Variants in HAVCR1 observed in about 807,000 individuals in gnomAD.
HAVCR1 encodes T cell immunoglobin domain and mucin domain protein 1.
In HAVCR1, 34 loss-of-function variants were observed where a neutral mutation model predicts 32.0. That is an observed-to-expected ratio of 1.06 (90% confidence interval 0.81 to 1.42). The LOEUF is 1.42. Among genes scored for constraint, HAVCR1 ranks in the 40% most tolerant of loss-of-function variants. The pLI, the probability that HAVCR1 is intolerant of heterozygous loss-of-function variation, is 0.00. For missense variants in HAVCR1, 420 were observed against 442.3 expected (o/e 0.95, Z 0.45); for synonymous variants, 178 against 170.3 (o/e 1.05, Z -0.35).
intron 7 of HAVCR1, among the ~76,000 whole-genome samples, chr5:157,034,173 G>A (rs963397700): frequency 2.6e-5 from 4 of 152,100 alleles, no homozygotes; most frequent in African/African-American, 9.7e-5. Context: ...AGTTCCCTCA[G>A]TATTTATTGA....
chr5:157,039,958 C>T (rs1056215940), intron 6 of HAVCR1, among the ~76,000 whole-genome samples: 3 of 152,134 alleles, frequency 2.0e-5, no homozygotes, highest in African/African-American at 7.2e-5. Flanking sequence ...AAATTGTTTT[C>T]CCTTACTTCT....
chr5:157,035,183 T>A (rs1754453644), intron 7 of HAVCR1, among the ~76,000 whole-genome samples: 1 of 152,208 alleles, frequency 6.6e-6, no homozygotes, highest in South Asian at 2.1e-4. Context: ...AATCTATTTT[T>A]TTTTTGGCGT....
rs780983817 is a variant in HAVCR1 at position 157,029,696 on chromosome 5, C to T, written c.*37G>A. 1.1e-5 allele frequency: 18 copies of T among 1,612,036 alleles called. No homozygotes were observed. In the Admixed American group the frequency reaches 2.0e-4, roughly 18 times the overall value. ...GCTGATGTCTGTTCAGTCTTCTGCA[C>T]TCATGGGCGTAAACTCTCAAAGAGC... On this transcript the variant is annotated 3_prime_UTR_variant, in exon 9 of 9. Transcript: ENST00000523175.
rs147129347 is a variant in HAVCR1, at chr5:157,049,499, T to C, written c.674-354A>G. Among the ~76,000 whole-genome samples, 50 of 152,376 alleles carry C rather than the reference T, an allele frequency of 3.3e-4. 1 individual carries two copies. The highest frequency in any genetic ancestry group is 1.2e-3 in the African/African-American group (49 of 41,598). On this transcript the variant is annotated intron_variant, in intron 4 of 8. Transcript: ENST00000523175. Reference sequence around the variant, plus strand: ...AGACAAAGCCAACAACAGGGCATTTTATGTAGAATACCCAATTAAGCTTTA... The same window carrying C: ...AGACAAAGCCAACAACAGGGCATTTCATGTAGAATACCCAATTAAGCTTTA...
intron 6 of HAVCR1, among the ~76,000 whole-genome samples, chr5:157,042,311 G>A (rs181878549): frequency 0.014 from 2,083 of 151,858 alleles, 17 homozygotes; most frequent in Middle Eastern, 0.034. Context: ...GCATGGTGGC[G>A]GGCGCCTGTA....
At chr5:157,034,542 T>C (rs979902608) in intron 7 of HAVCR1, among the ~76,000 whole-genome samples, 1 of 151,178 alleles carries the variant, frequency 6.6e-6, no homozygotes. Context: ...CCTTCCTCTT[T>C]CACTAATCCT....
chr5:157,066,632 G>T, the HAVCR1 span, among the ~76,000 whole-genome samples: 2 of 151,366 alleles, frequency 1.3e-5, no homozygotes, highest in Non-Finnish European at 2.9e-5. Flanking sequence ...GGGAAAATTT[G>T]CTGGGGCAAC....
At chr5:157,042,817 AAG>A (rs1176843145) in intron 5 of HAVCR1, 135 bp from the exon 6 acceptor site, 8 of 579,940 alleles carry the variant, frequency 1.4e-5, no homozygotes, top group Non-Finnish European at 2.4e-5. Context: ...CAGGCACTGC[AAG>A]AGTCATACCA....
chr5:157,051,996 A>G (rs1232085521), intron 4 of HAVCR1, among the ~76,000 whole-genome samples: 2 of 152,148 alleles, frequency 1.3e-5, no homozygotes, highest in African/African-American at 2.4e-5. Flanking sequence ...ACACTATCTC[A>G]TTTATCTGAC....
At position 157,042,680 on chromosome 5, in the gene HAVCR1, C is replaced by A; in HGVS notation, c.784G>T (p.Gly262Trp). The A allele has an allele frequency of 6.4e-7, 1 of 1,566,564 alleles. No individual in the cohort carries two copies. Among genetic ancestry groups the A allele is most frequent in the Non-Finnish European group, 8.8e-7 (1 of 1,138,794 alleles). Residue 262 changes from glycine to tryptophan, a missense_variant and splice_region_variant, in exon 6 of 9, where the codon GGG (glycine) becomes TGG (tryptophan). Coordinates refer to ENST00000523175, the MANE Select transcript of HAVCR1 (RefSeq NM_001173393.3). ...SSPLYSYTTD[G>W]NDTVTESSDG... Reference sequence around the variant, plus strand: ...GAAGACTCTGTCACGGTGTCATTCCCATCTACTCAACAAGAAGGAAATTTA... The same window carrying A: ...GAAGACTCTGTCACGGTGTCATTCCAATCTACTCAACAAGAAGGAAATTTA...
chr5:157,030,106 T>G (rs554458211), intron 8 of HAVCR1, among the ~76,000 whole-genome samples: 19 of 152,218 alleles, frequency 1.2e-4, no homozygotes, highest in Admixed American at 1.0e-3. Context: ...TCTTTGAAAC[T>G]CGCATAATAG....
At chr5:157,050,149 A>C (rs2113600860) in intron 4 of HAVCR1, among the ~76,000 whole-genome samples, 1 of 152,274 alleles carries the variant, frequency 6.6e-6, no homozygotes, top group African/African-American at 2.4e-5. Context: ...ACTTTTCAAC[A>C]TCGCTCTTTC....
chr5:157,061,550 TG>T (rs1756488901), upstream of HAVCR1, among the ~76,000 whole-genome samples: 1 of 151,734 alleles, frequency 6.6e-6, no homozygotes, highest in African/African-American at 2.4e-5. Flanking sequence ...CTACCAAAAA[TG>T]CAAAAATTAG....
intron 5 of HAVCR1, among the ~76,000 whole-genome samples, chr5:157,044,625 GAAAGAAAGAA>G (rs1554090538): frequency 4.6e-4 from 24 of 51,964 alleles, no homozygotes; most frequent in East Asian, 7.5e-4. Context: ...GAGAAAGAAA[GAAAGAAAGAA>G]AGAAAGAAAG....
chr5:157,055,873 C>CA (rs66978480), intron 2 of HAVCR1, among the ~76,000 whole-genome samples: 12 of 150,236 alleles, frequency 8.0e-5, no homozygotes, highest in African/African-American at 1.7e-4. Context: ...CCCCCTCCCC[C>CA]AAAAAAAAAT....
rs375307674 is a variant in HAVCR1, at chr5:157,032,875, T to A, written c.965A>T (p.Lys322Ile). ...TTACCTTAGTTGTTGAACCTCCTTT[T>A]TGAAGAAATACTCTAAATTGAAGGG... The part of the protein sequence containing the change: ...GVIIAKKYFF[K>I]KEVQQLSVSF... Residue 322 changes from lysine to isoleucine, a missense_variant, in exon 8 of 9, where the codon AAA becomes ATA. Physicochemically the swap from Lys to Ile is moderately radical, Grantham distance 102 (BLOSUM62 -3). Coordinates refer to ENST00000523175, the MANE Select transcript of HAVCR1 (RefSeq NM_001173393.3). 6.3e-7 allele frequency: 1 copy of A among 1,577,382 alleles called. No individual in the cohort carries two copies. Among genetic ancestry groups the A allele is most frequent in the African/African-American group, 1.4e-5 (1 of 73,988 alleles).
intron 4 of HAVCR1, 71 bp downstream of exon 4, chr5:157,052,290 G>T: frequency 7.4e-7 from 1 of 1,357,040 alleles, no homozygotes; most frequent in Non-Finnish European, 1.0e-6. Context: ...CTTCTACCTT[G>T]ATACAATGCC....
rs770258089 is a variant in HAVCR1, at chr5:157,049,084, T to A, written c.735A>T (p.Ala245=). 10 of 1,612,986 alleles carry A rather than the reference T, an allele frequency of 6.2e-6. No individual in the cohort carries two copies. The highest frequency in any genetic ancestry group is 8.5e-6 in the Non-Finnish European group (10 of 1,179,144). The stretch of plus-strand genomic sequence containing the variant: ...GTGAGCTGGTGGGTTCTCTCCTTAT[T>A]GCTCCCTGCAGTGTCGTAGGGTGGG... ...AETHPTTLQG[A]IRREPTSSPL... The change falls in exon 5 of 9, where the codon GCA becomes GCT. Residue 245 remains alanine, a synonymous_variant. Transcript: ENST00000523175.
chr5:157,041,149 A>T (rs1482581216), intron 6 of HAVCR1, among the ~76,000 whole-genome samples: 2 of 152,326 alleles, frequency 1.3e-5, no homozygotes, highest in South Asian at 2.1e-4. Flanking sequence ...TGAGAAAAAA[A>T]GTATGGAAAC....
Sources: allele counts gnomAD v4.1 joint callset (sites outside exome capture counted in the v4.1 genomes callset), GRCh38; gene constraint gnomAD v4.1.1; transcripts MANE v1.5; gene names NCBI Gene and HGNC (gene_info 2026-07-23, HGNC 2026-07-21).